Variants in SYCP2 observed in about 807,000 individuals in gnomAD.
The protein encoded by SYCP2 is synaptonemal complex protein 2.
SYCP2 carries 55 observed loss-of-function variants against 211.3 expected under a neutral mutation model. The observed-to-expected ratio is 0.26, with a 90% CI of 0.21 to 0.33. The LOEUF is 0.33. Ranked by LOEUF, SYCP2 falls within the 10% of genes least tolerant of loss-of-function variation. The pLI is 1.00. For synonymous variants in SYCP2, 570 were observed against 555.2 expected, an observed-to-expected ratio of 1.03 and a Z score of -0.37; for missense variants, 1,731 against 1,752.0, an observed-to-expected ratio of 0.99 and a Z score of 0.21.
chr20:59,870,910 C>A (rs1037887735), intron 35 of SYCP2, among the ~76,000 whole-genome samples: 1 of 151,566 alleles, frequency 6.6e-6, no homozygotes, highest in African/African-American at 2.4e-5. Context: ...CCTGGAGAGA[C>A]TCAAATCTAA....
rs1484177105 is a variant in SYCP2 at position 59,864,189 on chromosome 20, C to T, written c.*122G>A. 5 of 614,552 alleles carry T rather than the reference C, an allele frequency of 8.1e-6. No homozygotes were observed. The East Asian group carries it at 1.6e-4, about 19-fold the overall frequency. The allele number at this position is 614,552 out of a possible 1,614,324, so 38.1% of individuals were successfully genotyped here. On this transcript the variant is annotated 3_prime_UTR_variant, in exon 45 of 45. Coordinates refer to ENST00000357552, the MANE Select transcript of SYCP2 (RefSeq NM_014258.4). ...GACATTTTTTTTTAATTTGAGGGTTCCTATAAAGGGTACACTTGCTTCGGT... is the reference window on the plus strand; with the variant it reads ...GACATTTTTTTTTAATTTGAGGGTTTCTATAAAGGGTACACTTGCTTCGGT...
At position 59,914,256 on chromosome 20, in the gene SYCP2, TA is replaced by T. The variant is rs749259201; in HGVS notation, c.635-6del. The stretch of plus-strand genomic sequence containing the variant: ...TGCCTACCTGTAAGTCATAATCTAT[TA>T]AAAAAATAGTTAATGTTTGATTTAC... On this transcript the variant is annotated splice_polypyrimidine_tract_variant and splice_region_variant and intron_variant, in intron 10 of 44. Coordinates refer to ENST00000357552, the MANE Select transcript of SYCP2 (RefSeq NM_014258.4). 38 of 1,509,170 alleles carry T rather than the reference TA, an allele frequency of 2.5e-5. No individual in the cohort carries two copies. The highest frequency in any genetic ancestry group is 3.2e-5 in the Non-Finnish European group (36 of 1,115,392). 93.5% of individuals were successfully genotyped at this position (1,509,170 alleles called of 1,614,324 possible).
intron 31 of SYCP2, among the ~76,000 whole-genome samples, chr20:59,880,079 GGATAAT>G (rs2059646623): frequency 6.6e-6 from 1 of 150,674 alleles, no homozygotes; most frequent in East Asian, 1.9e-4. Context: ...CATGAGCCAA[GGATAAT>G]GATAAGTCAT....
Position 59,875,301 on chromosome 20 carries a change from CAGATAA to C in SYCP2, c.3313_3318del (p.Leu1105_Ser1106del). The C allele has an allele frequency of 6.2e-7, 1 of 1,608,694 alleles. No individual in the cohort carries two copies. The stretch of plus-strand genomic sequence containing the variant: ...GTTACTTCTATAGATGATGGACTGC[CAGATAA>C]AGATCTGGGAGATAAGTCAAGGCAA... On this transcript the variant is annotated inframe_deletion, in exon 34 of 45. Coordinates refer to ENST00000357552, the MANE Select transcript of SYCP2 (RefSeq NM_014258.4).
Position 59,867,700 on chromosome 20 carries a change from G to A in SYCP2, c.4125+11C>T. On this transcript the variant is annotated intron_variant, in intron 39 of 44. Transcript: ENST00000357552. Reference sequence around the variant, plus strand: ...TATTGGGTATAAATCATAATTTAAAGAATAACTCACATTATTCCTTCTCTT... The same window carrying A: ...TATTGGGTATAAATCATAATTTAAAAAATAACTCACATTATTCCTTCTCTT... 6.3e-7 allele frequency: 1 copy of A among 1,598,618 alleles called. No individual in the cohort carries two copies.
intron 35 of SYCP2, among the ~76,000 whole-genome samples, chr20:59,871,514 G>C (rs1343638731): frequency 2.6e-5 from 4 of 151,888 alleles, no homozygotes; most frequent in Non-Finnish European, 5.9e-5. Flanking sequence ...ATCTAACACA[G>C]AGTAGCATCA....
At chr20:59,906,830 GA>G (rs915616464) in intron 15 of SYCP2, among the ~76,000 whole-genome samples, 1 of 151,628 alleles carries the variant, frequency 6.6e-6, no homozygotes, top group African/African-American at 2.4e-5. Context: ...AATAAAAAAT[GA>G]ACAAAATATT....
rs911405191 is a variant in SYCP2 at position 59,893,068 on chromosome 20, CCT to C, written c.1793+72_1793+73del. The C allele has an allele frequency of 1.4e-5, 14 of 1,033,682 alleles. No homozygotes were observed. The African/African-American group carries it at 2.3e-4, about 17-fold the overall frequency. The allele number at this position is 1,033,682 out of a possible 1,614,324, so 64.0% of individuals were successfully genotyped here. A position where few individuals can be genotyped will look rare whatever the true frequency, so the allele number is the denominator to read the frequency against. Reference sequence around the variant, plus strand: ...AATTCTAATCATATACAGTCCTTTTCCTCCAAATCTGTTACATTCACTGAAAA... The same window carrying C: ...AATTCTAATCATATACAGTCCTTTTCCCAAATCTGTTACATTCACTGAAAA... On this transcript the variant is annotated intron_variant, in intron 22 of 44. Transcript: ENST00000357552.
Position 59,881,607 on chromosome 20 carries a change from T to C in SYCP2, c.2659-115A>G, listed in dbSNP as rs1033956722. 7 of 553,048 alleles carry C rather than the reference T, an allele frequency of 1.3e-5. No individual in the cohort carries two copies. The African/African-American group carries it at 1.4e-4, about 11-fold the overall frequency. 34.3% of individuals were successfully genotyped at this position (553,048 alleles called of 1,614,324 possible). ...CAAAATCATAAGATTTGACATAAAA[T>C]TAACTTTACTACAATATTTGTATTT... On this transcript the variant is annotated intron_variant, in intron 28 of 44. Coordinates refer to ENST00000357552, the MANE Select transcript of SYCP2 (RefSeq NM_014258.4).
At chr20:59,881,389 A>G in intron 29 of SYCP2, 48 bp downstream of exon 29, 1 of 988,964 alleles carries the variant, frequency 1.0e-6, no homozygotes, top group Non-Finnish European at 1.5e-6. Context: ...GGAGATATTT[A>G]AGAGAAAAAA....
chr20:59,932,451 G>A (rs112681307), intron 1 of SYCP2, among the ~76,000 whole-genome samples: 9 of 152,236 alleles, frequency 5.9e-5, no homozygotes, highest in African/African-American at 1.9e-4. Context: ...CGAGGCAGGT[G>A]GATCACCTGA....
chr20:59,890,113 G>A lies in SYCP2; in HGVS notation c.2364+1877C>T, dbSNP rs372008325. 1.1e-4 allele frequency among the ~76,000 whole-genome samples: 17 copies of A among 152,092 alleles called. No homozygotes were observed. In the East Asian group the frequency reaches 1.7e-3, roughly 16 times the overall value. ...ACACATGCACATGTATGTTTACTGC[G>A]GCACTATTCACAATAGCAAAGACTT... On this transcript the variant is annotated intron_variant, in intron 24 of 44. Transcript: ENST00000357552.
intron 16 of SYCP2, among the ~76,000 whole-genome samples, chr20:59,901,274 CTCTT>C (rs769918194): frequency 7.9e-5 from 12 of 152,196 alleles, no homozygotes; most frequent in African/African-American, 2.9e-4. Context: ...CCAAACCTGA[CTCTT>C]TATGAGCATT....
chr20:59,927,249 G>A (rs1179624449), intron 2 of SYCP2, among the ~76,000 whole-genome samples: 3 of 152,122 alleles, frequency 2.0e-5, no homozygotes, highest in African/African-American at 4.8e-5. Context: ...TCTTTAACTT[G>A]TAAAGGGTTT....
At chr20:59,889,955 G>A (rs1180854759) in intron 24 of SYCP2, among the ~76,000 whole-genome samples, 2 of 152,090 alleles carry the variant, frequency 1.3e-5, no homozygotes, top group African/African-American at 4.8e-5. Context: ...TTACACTGTT[G>A]GGAGTGTAAA....
At chr20:59,902,792 C>T (rs2060140372) in intron 15 of SYCP2, among the ~76,000 whole-genome samples, 1 of 152,106 alleles carries the variant, frequency 6.6e-6, no homozygotes, top group Non-Finnish European at 1.5e-5. Context: ...AAGTGGTAAC[C>T]ATAGTTTCAA....
intron 12 of SYCP2, among the ~76,000 whole-genome samples, chr20:59,912,809 G>A (rs79992870): frequency 0.019 from 2,954 of 152,234 alleles, 41 homozygotes; most frequent in Middle Eastern, 0.041. Flanking sequence ...CTGTTCTTGC[G>A]GTAGTGAGTA....
intron 24 of SYCP2, among the ~76,000 whole-genome samples, chr20:59,889,315 G>A (rs998595045): frequency 1.5e-4 from 23 of 151,880 alleles, no homozygotes; most frequent in African/African-American, 5.6e-4. Context: ...TAATAATAGG[G>A]GAATGGGTAA....
chr20:59,916,636 CT>C, intron 7 of SYCP2, 65 bp from the exon 8 acceptor site: 1 of 1,141,540 alleles, frequency 8.8e-7, no homozygotes. Flanking sequence ...TCAGTCTTTT[CT>C]TATAAGAGTT....
Sources: gnomAD v4.1 joint callset for allele counts (sites outside exome capture counted in the v4.1 genomes callset) on GRCh38, gnomAD v4.1.1 for gene constraint, MANE v1.5 for transcripts, NCBI Gene and HGNC (gene_info 2026-07-23, HGNC 2026-07-21) for gene names.